IFNLR1: variants seen among roughly 807,000 people sequenced by gnomAD.
The protein encoded by IFNLR1 is interferon lambda receptor 1.
A neutral mutation model predicts 52.5 loss-of-function variants in IFNLR1; 28 were observed. The observed-to-expected ratio is 0.53, with a 90% CI of 0.40 to 0.73. The LOEUF (loss-of-function observed/expected upper bound fraction) is 0.73. Among genes scored for constraint, IFNLR1 ranks in the 30% least tolerant of loss-of-function variants. The pLI, the probability that IFNLR1 is intolerant of heterozygous loss-of-function variation, is 0.00. For missense variants in IFNLR1, 623 were observed against 659.1 expected, an observed-to-expected ratio of 0.95 and a Z score of 0.60; for synonymous variants, 276 against 274.9, an observed-to-expected ratio of 1.00 and a Z score of -0.04.
chr1:24,164,794 T>C (rs573124215), intron 3 of IFNLR1, among the ~76,000 whole-genome samples: 2 of 151,010 alleles, frequency 1.3e-5, no homozygotes, highest in Non-Finnish European at 2.9e-5. Flanking sequence ...AGTCTTGCTC[T>C]GTCACCCACC....
intron 1 of IFNLR1, among the ~76,000 whole-genome samples, chr1:24,183,297 C>T (rs1381270426): frequency 6.6e-6 from 1 of 151,272 alleles, no homozygotes; most frequent in East Asian, 1.9e-4. Context: ...GCTTTTTCCC[C>T]ATTAAAAAAA....
intron 5 of IFNLR1, 86 bp from the exon 6 acceptor site, chr1:24,159,268 C>T (rs1644414967): frequency 3.4e-6 from 5 of 1,481,618 alleles, no homozygotes; most frequent in Non-Finnish European, 2.8e-6. Context: ...CATACATGAC[C>T]CTATTTAATC....
chr1:24,159,737 G>GTTTTTTTTTTTTTTTGT, intron 4 of IFNLR1, 104 bp from the exon 5 acceptor site: 13 of 458,704 alleles, frequency 2.8e-5, no homozygotes, highest in East Asian at 1.1e-4. Context: ...TTTTTTTTTT[G>GTTTTTTTTTTTTTTTGT]TTTTTTTTTT....
chr1:24,162,805 TTC>T (rs1644466987), intron 3 of IFNLR1, among the ~76,000 whole-genome samples: 1 of 105,120 alleles, frequency 9.5e-6, no homozygotes, highest in Non-Finnish European at 2.0e-5. Context: ...TCTTTCTTTT[TTC>T]TTTCTTTTTT....
chr1:24,169,387 T>C (rs371672810), intron 3 of IFNLR1, 30 bp downstream of exon 3: 11 of 1,596,280 alleles, frequency 6.9e-6, no homozygotes, highest in Non-Finnish European at 9.4e-6. Flanking sequence ...ATGGACAGCC[T>C]TCCACTCAGT....
intron 2 of IFNLR1, among the ~76,000 whole-genome samples, chr1:24,173,600 C>CTCCCTCCCTCCCTCCCTCCT: frequency 6.6e-6 from 1 of 151,130 alleles, no homozygotes; most frequent in African/African-American, 2.4e-5. Flanking sequence ...TTTCTTCTCC[C>CTCCCTCCCTCCCTCCCTCCT]TCCCTCCCTC....
chr1:24,157,522 C>G lies in IFNLR1; in HGVS notation c.1171G>C (p.Ala391Pro). 1 of 1,611,272 alleles carries G rather than the reference C, an allele frequency of 6.2e-7. No individual in the cohort carries two copies. Among genetic ancestry groups the G allele is most frequent in the Non-Finnish European group, 8.5e-7 (1 of 1,178,652 alleles). ...TCCCAGGAGGAGTCCACAGTGCTGG[C>G]CCAGCTTCTGTCTGAAGAATCCCAA... ...SAWDSSDRSW[A>P]STVDSSWDRA... is the part of the protein sequence containing the mutation. The change falls in exon 7 of 7, where the codon GCC becomes CCC. Residue 391 changes from alanine (A) to proline (P), a missense_variant. Transcript: ENST00000327535. The surrounding 1 kb of genome is among the most constrained non-coding windows in gnomAD (Gnocchi z 5.1).
chr1:24,174,394 T>C (rs1010978851), intron 2 of IFNLR1, among the ~76,000 whole-genome samples: 2 of 152,214 alleles, frequency 1.3e-5, no homozygotes, highest in Non-Finnish European at 2.9e-5. Context: ...TGGAAGTGGC[T>C]TTGGAATTGC....
intron 2 of IFNLR1, among the ~76,000 whole-genome samples, chr1:24,174,801 A>G (rs1449521644): frequency 6.6e-6 from 1 of 152,198 alleles, no homozygotes; most frequent in African/African-American, 2.4e-5. Context: ...AGATATATGA[A>G]AAGAATTGGT....
chr1:24,183,892 G>C (rs539111838), intron 1 of IFNLR1, among the ~76,000 whole-genome samples: 1 of 152,256 alleles, frequency 6.6e-6, no homozygotes, highest in African/African-American at 2.4e-5. Context: ...ACCACACCTG[G>C]CTAATTTTTG....
rs751927234 is a variant in IFNLR1 at position 24,159,478 on chromosome 1, G to T, written c.666C>A (p.Val222=). The T allele has an allele frequency of 6.2e-7, 1 of 1,614,034 alleles. No homozygotes were observed. Among genetic ancestry groups the T allele is most frequent in the Non-Finnish European group, 8.5e-7 (1 of 1,179,906 alleles). The change falls in exon 5 of 7, where the codon GTC becomes GTA. Residue 222 remains valine (V), a synonymous_variant. Transcript: ENST00000327535. ...FSKPTCFLLE[V]PEANWAFLVL... Reference sequence around the variant, plus strand: ...TCTGCACCACTTGATACCCACCTGGGACCTCCAGCAAGAAGCAGGTGGGCT... The same window carrying T: ...TCTGCACCACTTGATACCCACCTGGTACCTCCAGCAAGAAGCAGGTGGGCT...
chr1:24,158,945 A>G (rs1644409931), intron 6 of IFNLR1, 107 bp downstream of exon 6: 3 of 1,165,724 alleles, frequency 2.6e-6, no homozygotes, highest in Non-Finnish European at 3.7e-6. Context: ...TTTTGGTCCA[A>G]GAGTCTGGAC....
At chr1:24,171,887 C>A (rs1020418650) in intron 2 of IFNLR1, among the ~76,000 whole-genome samples, 2 of 151,950 alleles carry the variant, frequency 1.3e-5, no homozygotes, top group Non-Finnish European at 2.9e-5. Flanking sequence ...AACTCCTGAC[C>A]TCAGGTGATC....
rs771278252 is a variant in IFNLR1, at chr1:24,158,998, C to T, written c.801+54G>A. On this transcript the variant is annotated intron_variant, in intron 6 of 6. Coordinates refer to ENST00000327535, the MANE Select transcript of IFNLR1 (RefSeq NM_170743.4). Reference sequence around the variant, plus strand: ...TGAACAACTCATAGCTCCAGCCCCACTCCCTTACTCTCAACCCCTCCCCAC... The same window carrying T: ...TGAACAACTCATAGCTCCAGCCCCATTCCCTTACTCTCAACCCCTCCCCAC... 6 of 1,575,406 alleles carry T rather than the reference C, an allele frequency of 3.8e-6. No individual in the cohort carries two copies. In the Admixed American group the frequency reaches 5.2e-5, roughly 14 times the overall value.
chr1:24,159,247 C>A (rs1483495290), intron 5 of IFNLR1, 65 bp from the exon 6 acceptor site: 2 of 1,575,444 alleles, frequency 1.3e-6, no homozygotes, highest in Non-Finnish European at 1.7e-6. Context: ...GCACCTGTGC[C>A]GAGTGCTTCA....
chr1:24,160,724 A>C (rs1405802296), intron 4 of IFNLR1, among the ~76,000 whole-genome samples: 1 of 152,060 alleles, frequency 6.6e-6, no homozygotes, highest in Admixed American at 6.6e-5. Flanking sequence ...TTTATGTAAA[A>C]AGTTTTATTT....
chr1:24,157,923 A>C lies in IFNLR1; in HGVS notation c.802-32T>G, dbSNP rs1644400868. 2 of 1,514,752 alleles carry C rather than the reference A, an allele frequency of 1.3e-6. 1 individual carries two copies. Among genetic ancestry groups the C allele is most frequent in the South Asian group, 2.6e-5 (2 of 76,174 alleles). 93.8% of individuals were successfully genotyped at this position (1,514,752 alleles called of 1,614,324 possible). On this transcript the variant is annotated intron_variant, in intron 6 of 6. Transcript: ENST00000327535. The surrounding 1 kb of genome is among the most constrained non-coding windows in gnomAD (Gnocchi z 5.1). ...TGGGTAGGGGAGAGAAAAGCAGAAA[A>C]TTTAGGCTTTCCTGAAGCATAATTA...
At chr1:24,180,898 G>A in intron 1 of IFNLR1, 44 bp from the exon 2 acceptor site, 2 of 1,597,482 alleles carry the variant, frequency 1.3e-6, no homozygotes, top group Non-Finnish European at 1.7e-6. Context: ...CTCCTGGCTG[G>A]TCTTGACTCA....
rs1341855149 is a variant in IFNLR1, at chr1:24,157,585, G to A, written c.1108C>T (p.Pro370Ser). ...TCGCTTGGGACCAGAGGAGCCCTGG[G>A]CCTCCCTGAGTCCACCCCACCAGCC... ...SEAGGVDSGR[P>S]RAPLVPSEGS... The change falls in exon 7 of 7, where the codon CCC (proline) becomes TCC (serine). Residue 370 changes from proline to serine, a missense_variant. By Grantham distance (74) the Pro-to-Ser change is moderately conservative. Transcript: ENST00000327535. The surrounding 1 kb of genome is among the most constrained non-coding windows in gnomAD (Gnocchi z 5.1). 6.2e-7 allele frequency: 1 copy of A among 1,611,510 alleles called. No individual in the cohort carries two copies. Among genetic ancestry groups the A allele is most frequent in the South Asian group, 1.1e-5 (1 of 90,614 alleles).
Sources: allele counts gnomAD v4.1 joint callset (sites outside exome capture counted in the v4.1 genomes callset), GRCh38; gene constraint gnomAD v4.1.1; non-coding constraint Gnocchi (gnomAD v3.1); transcripts MANE v1.5; gene names NCBI Gene and HGNC (gene_info 2026-07-23, HGNC 2026-07-21).